ELAVL2: variants seen among roughly 807,000 people sequenced by gnomAD.
The protein encoded by ELAVL2 is ELAV-like protein 2.
Under a neutral mutation model 34.6 loss-of-function variants are expected in ELAVL2, and 4 were observed. The observed-to-expected ratio is 0.12, with a 90% confidence interval of 0.06 to 0.26. The LOEUF is 0.26. Ranked by LOEUF, ELAVL2 falls within the 10% of genes least tolerant of loss-of-function variation. The pLI is 1.00. For missense variants in ELAVL2, 432 were observed against 442.8 expected (o/e 0.98, Z 0.22); for synonymous variants, 193 against 154.8 (o/e 1.25, Z -1.83).
intron 1 of ELAVL2, among the ~76,000 whole-genome samples, chr9:23,809,484 T>G (rs766697882): frequency 6.6e-6 from 1 of 152,124 alleles, no homozygotes; most frequent in South Asian, 2.1e-4. Context: ...ATCTAAGACA[T>G]GAGAAAACAT....
At chr9:23,773,982 C>A (rs527442772) in intron 1 of ELAVL2, among the ~76,000 whole-genome samples, 1 of 151,918 alleles carries the variant, frequency 6.6e-6, no homozygotes. Context: ...GAGGCCGAGG[C>A]GGGCAGATCA....
intron 3 of ELAVL2, among the ~76,000 whole-genome samples, chr9:23,724,685 G>A (rs1156323387): frequency 2.0e-5 from 3 of 152,176 alleles, no homozygotes; most frequent in Non-Finnish European, 2.9e-5. Context: ...TAAATGTATT[G>A]AAGAGGTGCT....
chr9:23,715,863 C>G (rs575373198), intron 3 of ELAVL2, among the ~76,000 whole-genome samples: 1 of 151,980 alleles, frequency 6.6e-6, no homozygotes, highest in Non-Finnish European at 1.5e-5. Flanking sequence ...TAAAAAACAA[C>G]CAGTACCGGT....
At chr9:23,818,508 T>C (rs1354036283) in intron 1 of ELAVL2, among the ~76,000 whole-genome samples, 1 of 152,198 alleles carries the variant, frequency 6.6e-6, no homozygotes, top group East Asian at 1.9e-4. Context: ...TCAAATGTGG[T>C]AGCTTACTAT....
At position 23,759,955 on chromosome 9, in the gene ELAVL2, G is replaced by A. The variant is rs191832387; in HGVS notation, c.229+2051C>T. On this transcript the variant is annotated intron_variant, in intron 2 of 6. Transcript: ENST00000397312. ...CCTCAAGCCACTGAAAAGACAACAG[G>A]CAGGGGTCAGAGGTGAAGGAAATGG... Among the ~76,000 whole-genome samples, 355 of 151,232 alleles carry A rather than the reference G, an allele frequency of 2.3e-3. 1 individual carries two copies. Among genetic ancestry groups the A allele is most frequent in the African/African-American group, 7.3e-3 (303 of 41,276 alleles).
intron 5 of ELAVL2, among the ~76,000 whole-genome samples, chr9:23,699,812 GTTTTTTTTT>G (rs199637833): frequency 7.8e-4 from 65 of 82,956 alleles, no homozygotes; most frequent in African/African-American, 2.5e-3. Context: ...GGTGGCAAAG[GTTTTTTTTT>G]TTTTTTTTTT....
chr9:23,781,491 T>G (rs994154609), intron 1 of ELAVL2, among the ~76,000 whole-genome samples: 26 of 151,658 alleles, frequency 1.7e-4, no homozygotes, highest in African/African-American at 6.0e-4. Flanking sequence ...AATAGCATAT[T>G]TAAGAAAAGT....
intron 3 of ELAVL2, among the ~76,000 whole-genome samples, chr9:23,708,909 A>C (rs2040164695): frequency 6.6e-6 from 1 of 152,144 alleles, no homozygotes; most frequent in African/African-American, 2.4e-5. Flanking sequence ...AAGTGCTGGG[A>C]TTACAGGCAT....
intron 2 of ELAVL2, among the ~76,000 whole-genome samples, chr9:23,761,517 G>A (rs940414120): frequency 6.6e-6 from 1 of 151,882 alleles, no homozygotes; most frequent in Non-Finnish European, 1.5e-5. Flanking sequence ...ATCTCATCAC[G>A]CTTGGTATTA....
chr9:23,844,503 G>C, the ELAVL2 span, among the ~76,000 whole-genome samples: 1 of 151,940 alleles, frequency 6.6e-6, no homozygotes, highest in Non-Finnish European at 1.5e-5. Context: ...CAAAAGTCTA[G>C]ATTTCTGTAG....
intron 1 of ELAVL2, among the ~76,000 whole-genome samples, chr9:23,810,945 A>G (rs1479530883): frequency 6.6e-6 from 1 of 152,188 alleles, no homozygotes; most frequent in African/African-American, 2.4e-5. Flanking sequence ...GTCAACAACT[A>G]AAAAGTGGCA....
intron 1 of ELAVL2, chr9:23,821,563 A>G (rs2064736245): frequency 6.6e-6 from 1 of 152,416 alleles, no homozygotes; most frequent in African/African-American, 2.4e-5. Context: ...ACCAGGGGCA[A>G]GGCGCGGACG....
At chr9:23,740,080 A>T (rs978078242) in intron 2 of ELAVL2, among the ~76,000 whole-genome samples, 3 of 149,182 alleles carry the variant, frequency 2.0e-5, no homozygotes, top group African/African-American at 7.3e-5. Flanking sequence ...CATTTTTCTT[A>T]AAAAAATCAC....
chr9:23,757,232 C>T (rs770463905), intron 2 of ELAVL2, among the ~76,000 whole-genome samples: 3 of 152,116 alleles, frequency 2.0e-5, no homozygotes, highest in African/African-American at 4.8e-5. Context: ...AAGACACACT[C>T]GCCAGAAGAT....
upstream of ELAVL2, among the ~76,000 whole-genome samples, chr9:23,830,952 A>C (rs1017234854): frequency 6.6e-5 from 10 of 152,290 alleles, no homozygotes; most frequent in Admixed American, 1.3e-4. Context: ...TCAGAGACTT[A>C]TGTCCGTTTC....
intron 3 of ELAVL2, among the ~76,000 whole-genome samples, chr9:23,714,298 G>T (rs1369822052): frequency 6.6e-6 from 1 of 152,152 alleles, no homozygotes; most frequent in Non-Finnish European, 1.5e-5. Flanking sequence ...CGTGGCACAA[G>T]AACAATGTAT....
intron 1 of ELAVL2, among the ~76,000 whole-genome samples, chr9:23,765,829 A>G (rs2056128645): frequency 2.6e-5 from 4 of 152,162 alleles, no homozygotes; most frequent in Admixed American, 6.6e-5. Flanking sequence ...AATCAAGTGA[A>G]CATTTTTTAA....
At chr9:23,742,503 T>C (rs1300198669) in intron 2 of ELAVL2, among the ~76,000 whole-genome samples, 1 of 152,152 alleles carries the variant, frequency 6.6e-6, no homozygotes, top group Non-Finnish European at 1.5e-5. Context: ...GCTGAGTCAT[T>C]AAGAAGGGAA....
At chr9:23,722,864 C>T (rs1194765758) in intron 3 of ELAVL2, among the ~76,000 whole-genome samples, 2 of 152,102 alleles carry the variant, frequency 1.3e-5, no homozygotes, top group African/African-American at 4.8e-5. Flanking sequence ...GTAGATACAG[C>T]AAAGAATTAA....
Sources: allele counts gnomAD v4.1 joint callset (sites outside exome capture counted in the v4.1 genomes callset), GRCh38; gene constraint gnomAD v4.1.1; transcripts MANE v1.5; gene names NCBI Gene and HGNC (gene_info 2026-07-23, HGNC 2026-07-21).